The following JAZF1 variants were observed in gnomAD, a reference collection of about 807,000 sequenced individuals.
The protein encoded by JAZF1 is juxtaposed with another zinc finger protein 1.
Under a neutral mutation model 26.4 loss-of-function variants are expected in JAZF1, and 8 were observed. The ratio of observed to expected loss-of-function variants is 0.30; its 90% CI spans 0.18 to 0.55. JAZF1 has a LOEUF of 0.55. JAZF1 is among the 20% of genes least tolerant of loss of function. The pLI, the probability that JAZF1 is intolerant of heterozygous loss-of-function variation, is 0.94. For missense variants in JAZF1, 199 were observed against 322.0 expected (o/e 0.62, Z 2.92); for synonymous variants, 126 against 122.3 (o/e 1.03, Z -0.20).
intron 1 of JAZF1, among the ~76,000 whole-genome samples, chr7:28,174,159 T>G (rs1783514278): frequency 6.6e-6 from 1 of 152,148 alleles, no homozygotes; most frequent in Non-Finnish European, 1.5e-5. Flanking sequence ...ATCCAGCAAG[T>G]ATTTCTTTGT....
At chr7:28,065,179 G>A (rs1380640920) in intron 1 of JAZF1, among the ~76,000 whole-genome samples, 1 of 152,172 alleles carries the variant, frequency 6.6e-6, no homozygotes, top group Non-Finnish European at 1.5e-5. Context: ...AATCTTTTGG[G>A]AGTAAGATTT....
intron 2 of JAZF1, among the ~76,000 whole-genome samples, chr7:27,955,659 C>T (rs577274050): frequency 6.6e-6 from 1 of 152,320 alleles, no homozygotes; most frequent in African/African-American, 2.4e-5. Context: ...CAAACCTGCT[C>T]AGCAATTTGA....
chr7:28,126,836 G>T (rs740123), intron 1 of JAZF1, among the ~76,000 whole-genome samples: 1 of 152,020 alleles, frequency 6.6e-6, no homozygotes, highest in East Asian at 1.9e-4. Flanking sequence ...AGGAAGAGAA[G>T]AGTGAGTCCA....
At chr7:28,064,143 G>A (rs1783842706) in intron 1 of JAZF1, among the ~76,000 whole-genome samples, 1 of 151,854 alleles carries the variant, frequency 6.6e-6, no homozygotes, top group Admixed American at 6.6e-5. Context: ...TCTGAGGTAG[G>A]CAAAATCAAG....
intron 1 of JAZF1, among the ~76,000 whole-genome samples, chr7:28,175,692 A>G (rs956976633): frequency 3.3e-5 from 5 of 152,198 alleles, no homozygotes; most frequent in South Asian, 4.1e-4. Context: ...AACAGAGTCA[A>G]TCGTGTGAGG....
intron 2 of JAZF1, among the ~76,000 whole-genome samples, chr7:27,940,534 T>G (rs1784831083): frequency 6.6e-6 from 1 of 152,192 alleles, no homozygotes; most frequent in South Asian, 2.1e-4. Flanking sequence ...AATTAGGCAT[T>G]GAACAAAAGC....
chr7:27,944,377 G>C (rs774662204), intron 2 of JAZF1, among the ~76,000 whole-genome samples: 1 of 152,064 alleles, frequency 6.6e-6, no homozygotes, highest in African/African-American at 2.4e-5. Flanking sequence ...TTAATTTTCC[G>C]GTTATCCAAC....
chr7:28,099,361 T>C (rs1325849338), intron 1 of JAZF1, among the ~76,000 whole-genome samples: 1 of 151,874 alleles, frequency 6.6e-6, no homozygotes, highest in East Asian at 1.9e-4. Context: ...AAAAAGCTTT[T>C]TTTTTTCTTT....
intron 1 of JAZF1, among the ~76,000 whole-genome samples, chr7:28,083,026 C>T (rs572493547): frequency 1.2e-4 from 18 of 152,348 alleles, no homozygotes; most frequent in Admixed American, 3.9e-4. Flanking sequence ...AACACATTTT[C>T]TCACCTCCTT....
chr7:27,906,205 G>C (rs112284761), intron 2 of JAZF1, among the ~76,000 whole-genome samples: 1 of 152,246 alleles, frequency 6.6e-6, no homozygotes, highest in African/African-American at 2.4e-5. Flanking sequence ...AGCAAGAGCT[G>C]AGTGTCCTCT....
At chr7:28,171,339 A>G (rs1207894873) in intron 1 of JAZF1, among the ~76,000 whole-genome samples, 1 of 152,252 alleles carries the variant, frequency 6.6e-6, no homozygotes, top group Non-Finnish European at 1.5e-5. Context: ...GCCCTCATTG[A>G]TGCAAACCTA....
intron 1 of JAZF1, among the ~76,000 whole-genome samples, chr7:28,062,757 T>C (rs1268512919): frequency 6.6e-6 from 1 of 152,206 alleles, no homozygotes; most frequent in Non-Finnish European, 1.5e-5. Context: ...CTTATTGAGT[T>C]TTCTTTACAT....
At chr7:28,131,018 T>C (rs1042245179) in intron 1 of JAZF1, among the ~76,000 whole-genome samples, 3 of 152,222 alleles carry the variant, frequency 2.0e-5, no homozygotes, top group African/African-American at 4.8e-5. Context: ...CTGAGAATTA[T>C]TGGGCATGGT....
intron 1 of JAZF1, among the ~76,000 whole-genome samples, chr7:28,084,735 C>T (rs1784187578): frequency 6.6e-6 from 1 of 152,154 alleles, no homozygotes; most frequent in Non-Finnish European, 1.5e-5. Context: ...GGGCAGGCTC[C>T]CTCTCTCTTC....
chr7:28,112,689 T>G (rs2127933932), intron 1 of JAZF1, among the ~76,000 whole-genome samples: 1 of 152,260 alleles, frequency 6.6e-6, no homozygotes, highest in African/African-American at 2.4e-5. Flanking sequence ...TTCATCTGTC[T>G]CAAACAAGAA....
chr7:28,118,791 C>CACAG (rs755914494), intron 1 of JAZF1, among the ~76,000 whole-genome samples: 2 of 142,596 alleles, frequency 1.4e-5, no homozygotes, highest in Admixed American at 1.4e-4. Flanking sequence ...CACACACACA[C>CACAG]AACACACACA....
chr7:27,869,186 G>A (rs1339588951), intron 3 of JAZF1, among the ~76,000 whole-genome samples: 2 of 152,116 alleles, frequency 1.3e-5, no homozygotes, highest in Admixed American at 6.6e-5. Context: ...AGTGTTATTA[G>A]ACCTCTATTC....
chr7:27,897,801 C>G (rs952115087), intron 2 of JAZF1, among the ~76,000 whole-genome samples: 1 of 152,192 alleles, frequency 6.6e-6, no homozygotes, highest in African/African-American at 2.4e-5. Flanking sequence ...GAACAGACTC[C>G]CACGTGCACT....
At chr7:27,962,706 G>A (rs1785205587) in intron 2 of JAZF1, among the ~76,000 whole-genome samples, 1 of 152,122 alleles carries the variant, frequency 6.6e-6, no homozygotes, top group South Asian at 2.1e-4. Flanking sequence ...AGATATGCAA[G>A]GGCTTCCCTA....
Sources: gnomAD v4.1 joint callset for allele counts (sites outside exome capture counted in the v4.1 genomes callset) on GRCh38, gnomAD v4.1.1 for gene constraint, MANE v1.5 for transcripts, NCBI Gene and HGNC (gene_info 2026-07-23, HGNC 2026-07-21) for gene names.